Variants in ERC2 observed in about 807,000 individuals in gnomAD.
ERC2 encodes ELKS/RAB6-interacting/CAST family member 2, also known as ERC protein 2.
Under a neutral mutation model 114.8 loss-of-function variants are expected in ERC2, and 42 were observed. The observed-to-expected ratio is 0.37, with a 90% CI of 0.29 to 0.47. The LOEUF is 0.47. Among genes scored for constraint, ERC2 ranks in the 20% least tolerant of loss-of-function variants. The probability of loss-of-function intolerance (pLI) is 0.99; values close to 1 mark genes in which losing one functional copy is unlikely to be tolerated. For missense variants in ERC2, 939 were observed against 1,150.7 expected, an observed-to-expected ratio of 0.82 and a Z score of 2.66; for synonymous variants, 454 against 425.5, an observed-to-expected ratio of 1.07 and a Z score of -0.82.
chr3:55,994,250 C>T (rs535983775), intron 10 of ERC2, among the ~76,000 whole-genome samples: 3 of 152,126 alleles, frequency 2.0e-5, no homozygotes, highest in South Asian at 2.1e-4. Context: ...CAAATGAATA[C>T]GTATATTTTG....
At chr3:55,869,248 C>G (rs1415977306) in intron 14 of ERC2, among the ~76,000 whole-genome samples, 1 of 152,082 alleles carries the variant, frequency 6.6e-6, no homozygotes, top group African/African-American at 2.4e-5. Context: ...GTCTCTAGCC[C>G]TGCTTGGTGG....
Position 55,524,374 on chromosome 3 carries a change from C to G in ERC2, c.*40-13098G>C, listed in dbSNP as rs948268467. 3.3e-5 allele frequency among the ~76,000 whole-genome samples: 5 copies of G among 152,172 alleles called. No homozygotes were observed. The South Asian group carries it at 1.0e-3, about 32-fold the overall frequency. On this transcript the variant is annotated intron_variant, in intron 17 of 17. Transcript: ENST00000288221. Reference sequence around the variant, plus strand: ...GTGGTAGAAGGAACCCCAAGCTTCCCCAAAACTGCAAATTCCCTGCCTCCA... The same window carrying G: ...GTGGTAGAAGGAACCCCAAGCTTCCGCAAAACTGCAAATTCCCTGCCTCCA...
chr3:56,036,599 C>A lies in ERC2; in HGVS notation c.1642-17568G>T, dbSNP rs116461959. On this transcript the variant is annotated intron_variant, in intron 7 of 17. Coordinates refer to ENST00000288221, the MANE Select transcript of ERC2 (RefSeq NM_015576.3). ...GGTTCTCTCATCTGGGCTGACTAGG[C>A]GGTTGGTGCAACCCATGGAGAGTGA... is the stretch of plus-strand genomic sequence containing the variant. Among the ~76,000 whole-genome samples, 347 of 152,202 alleles carry A rather than the reference C, an allele frequency of 2.3e-3. 2 individuals are homozygous for A. Among genetic ancestry groups the A allele is most frequent in the African/African-American group, 7.9e-3 (330 of 41,548 alleles).
intron 2 of ERC2, among the ~76,000 whole-genome samples, chr3:56,328,694 T>C (rs1052708107): frequency 6.6e-6 from 1 of 152,148 alleles, no homozygotes; most frequent in Non-Finnish European, 1.5e-5. Flanking sequence ...GATATTATTA[T>C]ATAATTATTG....
chr3:56,217,657 C>CA (rs2049582949), intron 3 of ERC2, among the ~76,000 whole-genome samples: 1 of 151,864 alleles, frequency 6.6e-6, no homozygotes, highest in Non-Finnish European at 1.5e-5. Flanking sequence ...TCATATGGAA[C>CA]AAAAAAACAG....
At chr3:56,021,842 G>T (rs572755805) in intron 7 of ERC2, among the ~76,000 whole-genome samples, 1 of 152,130 alleles carries the variant, frequency 6.6e-6, no homozygotes, top group Non-Finnish European at 1.5e-5. Flanking sequence ...CCGTTTCTGC[G>T]TTAGTTTGAT....
chr3:56,448,143 G>A (rs1559516114), intron 1 of ERC2, among the ~76,000 whole-genome samples: 1 of 152,128 alleles, frequency 6.6e-6, no homozygotes, highest in Non-Finnish European at 1.5e-5. Context: ...CTCATGTCCA[G>A]TAATCCGTAT....
intron 3 of ERC2, among the ~76,000 whole-genome samples, chr3:56,192,013 G>A (rs7635184): frequency 0.6 from 91,961 of 152,058 alleles, 28,439 homozygotes; most frequent in East Asian, 0.79. Context: ...TACATGTTCT[G>A]TGTCCTTTAA....
chr3:56,011,156 T>G (rs2072900203), intron 8 of ERC2, among the ~76,000 whole-genome samples: 1 of 152,244 alleles, frequency 6.6e-6, no homozygotes, highest in Admixed American at 6.5e-5. Context: ...TATGTGATTT[T>G]CCAGTGTGTC....
chr3:56,353,563 C>G (rs1484002446), intron 2 of ERC2, among the ~76,000 whole-genome samples: 1 of 148,858 alleles, frequency 6.7e-6, no homozygotes, highest in Non-Finnish European at 1.5e-5. Flanking sequence ...GGACAAAAAA[C>G]CAAACACCAC....
chr3:55,671,721 T>C (rs1258486197), intron 17 of ERC2, among the ~76,000 whole-genome samples: 1 of 152,206 alleles, frequency 6.6e-6, no homozygotes, highest in African/African-American at 2.4e-5. Flanking sequence ...CATGCGGTTG[T>C]CCAGGCTTCG....
chr3:55,584,400 G>A (rs1055452400), intron 17 of ERC2, among the ~76,000 whole-genome samples: 1 of 152,170 alleles, frequency 6.6e-6, no homozygotes, highest in Non-Finnish European at 1.5e-5. Context: ...AACAATGGCT[G>A]CTATGACTAC....
chr3:56,385,527 C>A (rs1367783379), intron 2 of ERC2, among the ~76,000 whole-genome samples: 1 of 152,144 alleles, frequency 6.6e-6, no homozygotes, highest in Non-Finnish European at 1.5e-5. Context: ...CAGATTTGAG[C>A]AACTAGTGGG....
chr3:56,449,806 C>G (rs777582577), intron 1 of ERC2, among the ~76,000 whole-genome samples: 2 of 152,214 alleles, frequency 1.3e-5, no homozygotes, highest in African/African-American at 4.8e-5. Context: ...TAATGATCAA[C>G]AGAAGTTAAC....
intron 2 of ERC2, among the ~76,000 whole-genome samples, chr3:56,425,560 C>CTTTTTTT (rs67210393): frequency 2.9e-4 from 36 of 123,938 alleles, no homozygotes; most frequent in Non-Finnish European, 3.9e-4. Context: ...GACCCTTTTT[C>CTTTTTTT]TTTTTTTTTT....
At chr3:56,081,431 T>C (rs369221535) in intron 6 of ERC2, among the ~76,000 whole-genome samples, 4 of 152,162 alleles carry the variant, frequency 2.6e-5, no homozygotes, top group South Asian at 4.2e-4. Context: ...GATTGACATG[T>C]AGAGAAACAC....
chr3:55,523,408 A>G (rs962458676), intron 17 of ERC2, among the ~76,000 whole-genome samples: 14 of 152,208 alleles, frequency 9.2e-5, no homozygotes, highest in Non-Finnish European at 7.3e-5. Context: ...GCTTTTGCAT[A>G]GGTGTTCCCT....
chr3:56,136,258 T>G (rs2080499410), intron 6 of ERC2, among the ~76,000 whole-genome samples: 1 of 152,110 alleles, frequency 6.6e-6, no homozygotes, highest in Non-Finnish European at 1.5e-5. Flanking sequence ...TTTATACTAT[T>G]CTAAAAGAGC....
At chr3:56,051,161 C>T (rs2075744531) in intron 7 of ERC2, among the ~76,000 whole-genome samples, 1 of 152,134 alleles carries the variant, frequency 6.6e-6, no homozygotes. Flanking sequence ...GAACTTTGCT[C>T]TGCTTGTTGG....
Sources: allele counts gnomAD v4.1 joint callset (sites outside exome capture counted in the v4.1 genomes callset), GRCh38; gene constraint gnomAD v4.1.1; transcripts MANE v1.5; gene names NCBI Gene and HGNC (gene_info 2026-07-23, HGNC 2026-07-21).